The following POU2F2 variants were observed in gnomAD, a reference collection of about 807,000 sequenced individuals.
The protein encoded by POU2F2 is POU domain, class 2, transcription factor 2.
POU2F2 carries 14 observed loss-of-function variants against 63.5 expected under a neutral mutation model. The observed-to-expected ratio is 0.22, with a 90% CI of 0.15 to 0.34. The LOEUF (loss-of-function observed/expected upper bound fraction) is 0.34. Among genes scored for constraint, POU2F2 ranks in the 10% least tolerant of loss-of-function variants. POU2F2 has a pLI of 1.00. For synonymous variants in POU2F2, 306 were observed against 348.6 expected (o/e 0.88, Z 1.36); for missense variants, 607 against 815.2 (o/e 0.74, Z 3.11).
Position 42,088,913 on chromosome 19 carries a change from C to T in POU2F2, c.*2344G>A, listed in dbSNP as rs1220967675. On this transcript the variant is annotated 3_prime_UTR_variant, in exon 15 of 15. Transcript: ENST00000692977. ...GCAATGGCCGAGTCTCTGCTGCCTC[C>T]GTCGCCCAGCCCAACAGTTTCATTT... The T allele has an allele frequency of 2.0e-5, 3 of 152,656 alleles. No homozygotes were observed. Among genetic ancestry groups the T allele is most frequent in the African/African-American group, 7.2e-5 (3 of 41,444 alleles). 9.5% of individuals were successfully genotyped at this position (152,656 alleles called of 1,614,324 possible). A position where few individuals can be genotyped will look rare whatever the true frequency, so the allele number is the denominator to read the frequency against.
chr19:42,117,520 G>A lies in POU2F2; in HGVS notation c.187-88C>T. ...ACTGGGGTGTGGACATGAGGGTGCA[G>A]TCTGTGGTCCTGCACTGACCGCTGG... On this transcript the variant is annotated intron_variant, in intron 4 of 14. Transcript: ENST00000692977. The surrounding 1 kb of genome is among the most constrained non-coding windows in gnomAD (Gnocchi z 4.4). The A allele has an allele frequency of 3.0e-6, 2 of 659,946 alleles. No homozygotes were observed. The highest frequency in any genetic ancestry group is 5.3e-6 in the Non-Finnish European group (2 of 380,462). 40.9% of individuals were successfully genotyped at this position (659,946 alleles called of 1,614,324 possible).
chr19:42,089,125 C>A lies in POU2F2; in HGVS notation c.*2132G>T. ...GGGCCACACTACGGCTGTCAGGCCCCACCCTGATTTCAATGGCTCGTGTCC... is the reference window on the plus strand; with the variant it reads ...GGGCCACACTACGGCTGTCAGGCCCAACCCTGATTTCAATGGCTCGTGTCC... On this transcript the variant is annotated 3_prime_UTR_variant, in exon 15 of 15. Transcript: ENST00000692977. The A allele has an allele frequency of 6.5e-6, 1 of 152,830 alleles. No individual in the cohort carries two copies. The allele number at this position is 152,830 out of a possible 1,614,324, so 9.5% of individuals were successfully genotyped here.
chr19:42,176,860 T>G (rs1358208003), upstream of POU2F2, among the ~76,000 whole-genome samples: 1 of 150,792 alleles, frequency 6.6e-6, no homozygotes, highest in African/African-American at 2.4e-5. Context: ...CCCGCCCGGC[T>G]CCCGCCCGGC....
chr19:42,091,843 G>T, intron 14 of POU2F2, 24 bp downstream of exon 14: 1 of 1,539,304 alleles, frequency 6.5e-7, no homozygotes, highest in South Asian at 1.2e-5. Flanking sequence ...GGTGACGATG[G>T]GTGTGACATG....
chr19:42,146,597 A>G (rs1369134313), intron 2 of POU2F2, among the ~76,000 whole-genome samples: 1 of 151,678 alleles, frequency 6.6e-6, no homozygotes, highest in Non-Finnish European at 1.5e-5. Context: ...CTTCAAATCT[A>G]CTCGCTCCCT....
chr19:42,108,053 A>T (rs969610541), intron 5 of POU2F2, among the ~76,000 whole-genome samples: 2 of 152,146 alleles, frequency 1.3e-5, no homozygotes, highest in African/African-American at 4.8e-5. Context: ...CCCCCTCCCT[A>T]GAGAGGCCTT....
chr19:42,165,906 A>G (rs1232335992), intron 1 of POU2F2, among the ~76,000 whole-genome samples: 1 of 152,238 alleles, frequency 6.6e-6, no homozygotes, highest in African/African-American at 2.4e-5. Flanking sequence ...GCAAATGAAC[A>G]AATGCAATGA....
chr19:42,185,670 A>G (rs980159840), intron 1 of POU2F2, among the ~76,000 whole-genome samples: 1 of 152,134 alleles, frequency 6.6e-6, no homozygotes, highest in Non-Finnish European at 1.5e-5. Flanking sequence ...ACTTAAAATC[A>G]TATGTTAATG....
Position 42,117,791 on chromosome 19 carries a change from C to A in POU2F2, c.187-359G>T, listed in dbSNP as rs2032117866. ...GGTCAGGAGTTTGAAACCAGCCTGG[C>A]CAACATGGTGAAACCCCATTTCTGA... On this transcript the variant is annotated intron_variant, in intron 4 of 14. Transcript: ENST00000692977. This position sits in a 1 kb window ranked among gnomAD's most constrained non-coding sequence, Gnocchi z 4.4. 4.0e-5 allele frequency among the ~76,000 whole-genome samples: 6 copies of A among 151,572 alleles called. No individual in the cohort carries two copies.
In POU2F2 at chr19:42,092,092, C is replaced by T. The variant is rs367613289; in HGVS notation, c.1443G>A (p.Leu481=). The change falls in exon 13 of 15, where the codon TTG becomes TTA. Residue 481 remains leucine (L), a synonymous_variant. Transcript: ENST00000692977. This position sits in a 1 kb window ranked among gnomAD's most constrained non-coding sequence, Gnocchi z 5.0. ...SPQGSHSAIG[L]SGLNPSTGST... is the part of the protein sequence containing the mutation. ...ACCCCGTGCTGGGGTTCAGGCCTGA[C>T]AAGCCGATAGCCGAGTGGCTGCCTT... 1 of 1,537,164 alleles carries T rather than the reference C, an allele frequency of 6.5e-7. No individual in the cohort carries two copies. Among genetic ancestry groups the T allele is most frequent in the Non-Finnish European group, 8.7e-7 (1 of 1,147,286 alleles).
intron 2 of POU2F2, among the ~76,000 whole-genome samples, chr19:42,142,656 C>A (rs531468914): frequency 2.0e-5 from 3 of 151,912 alleles, no homozygotes; most frequent in African/African-American, 7.2e-5. Context: ...ACTGCCACCC[C>A]CCAGCAAGCA....
At chr19:42,171,927 G>A (rs1024123986) in intron 1 of POU2F2, among the ~76,000 whole-genome samples, 11 of 152,084 alleles carry the variant, frequency 7.2e-5, no homozygotes, top group Non-Finnish European at 1.6e-4. Flanking sequence ...TCCAAAGTAC[G>A]TTGTCACGAG....
chr19:42,135,995 C>T (rs537174058), upstream of POU2F2, among the ~76,000 whole-genome samples: 1 of 150,440 alleles, frequency 6.6e-6, no homozygotes, highest in South Asian at 2.1e-4. Flanking sequence ...ACAGACATGA[C>T]CTCAAGCCTA....
intron 1 of POU2F2, among the ~76,000 whole-genome samples, chr19:42,181,535 T>C (rs1466734718): frequency 6.6e-6 from 1 of 152,174 alleles, no homozygotes; most frequent in Non-Finnish European, 1.5e-5. Context: ...TTGCAAGCTA[T>C]GGATGACCTT....
intron 1 of POU2F2, among the ~76,000 whole-genome samples, chr19:42,181,843 C>T (rs1335517814): frequency 1.3e-5 from 2 of 152,180 alleles, no homozygotes; most frequent in African/African-American, 4.8e-5. Flanking sequence ...ACCTCGGCCT[C>T]CCAAAGTGCT....
chr19:42,133,899 G>C (rs538218735), upstream of POU2F2, among the ~76,000 whole-genome samples: 42 of 152,256 alleles, frequency 2.8e-4, 1 homozygote, highest in Middle Eastern at 0.01. The surrounding 1 kb of genome is among the most constrained non-coding windows in gnomAD (Gnocchi z 5.1). Context: ...CACGTGCCCT[G>C]TGCACCCAGA....
chr19:42,090,217 T>C lies in POU2F2; in HGVS notation c.*1040A>G, dbSNP rs2076670764. ...ACTGGAATATGAATTTTTTTTTTTT[T>C]CAGGGAAACAGACAGGATGGAAAAA... On this transcript the variant is annotated 3_prime_UTR_variant, in exon 15 of 15. Coordinates refer to ENST00000692977, the MANE Select transcript of POU2F2 (RefSeq NM_001394376.1). This position sits in a 1 kb window ranked among gnomAD's most constrained non-coding sequence, Gnocchi z 4.4. 6.6e-6 allele frequency: 1 copy of C among 152,466 alleles called. No homozygotes were observed. 9.4% of individuals were successfully genotyped at this position (152,466 alleles called of 1,614,324 possible).
chr19:42,093,012 T>A (rs548024620), intron 12 of POU2F2, among the ~76,000 whole-genome samples: 1,814 of 120,972 alleles, frequency 0.015, 15 homozygotes, highest in African/African-American at 0.041. Context: ...TATATATATT[T>A]TTTTTTTTTT....
At chr19:42,122,637 C>T (rs1458022605) in intron 1 of POU2F2, 61 bp from the exon 2 acceptor site, 9 of 1,403,140 alleles carry the variant, frequency 6.4e-6, no homozygotes, top group Admixed American at 2.3e-5. Context: ...GGCTCTCGGG[C>T]CCCCATTCCA....
Sources: gnomAD v4.1 joint callset for allele counts (sites outside exome capture counted in the v4.1 genomes callset) on GRCh38, gnomAD v4.1.1 for gene constraint, Gnocchi (gnomAD v3.1) non-coding constraint, MANE v1.5 for transcripts, NCBI Gene and HGNC (gene_info 2026-07-23, HGNC 2026-07-21) for gene names.